PISD: variants seen among roughly 807,000 people sequenced by gnomAD.
The protein encoded by PISD is phosphatidylserine decarboxylase proenzyme, mitochondrial.
A neutral mutation model predicts 43.5 loss-of-function variants in PISD; 31 were observed. The observed-to-expected ratio is 0.71, with a 90% CI of 0.54 to 0.96. PISD has a LOEUF of 0.96. Ranked by LOEUF, PISD falls within the 40% of genes least tolerant of loss-of-function variation. The pLI, the probability that PISD is intolerant of heterozygous loss-of-function variation, is 0.00. For missense variants in PISD, 523 were observed against 548.4 expected, an observed-to-expected ratio of 0.95 and a Z score of 0.46; for synonymous variants, 259 against 228.7, an observed-to-expected ratio of 1.13 and a Z score of -1.20.
chr22:31,625,750 G>C, intron 3 of PISD: 1 of 1,578,334 alleles, frequency 6.3e-7, no homozygotes, highest in African/African-American at 1.3e-5. Flanking sequence ...GGGCGCGGTG[G>C]GCAGCATCTC....
At chr22:31,655,916 C>G (rs1430161940) in intron 1 of PISD, among the ~76,000 whole-genome samples, 3 of 152,092 alleles carry the variant, frequency 2.0e-5, no homozygotes, top group Non-Finnish European at 4.4e-5. Flanking sequence ...GGATTACAGG[C>G]ATGAGCCACT....
Position 31,638,596 on chromosome 22 carries a change from G to A in PISD, c.321+9505C>T, listed in dbSNP as rs917328666. ...AGGCCACTCCTCCCCTCAGAGATCT[G>A]CCCCCATCCTTCCCTAGCCTCTGCC... On this transcript the variant is annotated intron_variant, in intron 3 of 7. Coordinates refer to ENST00000439502, the MANE Select transcript of PISD (RefSeq NM_001326411.2). The A allele has an allele frequency of 3.3e-5, 33 of 985,086 alleles. No individual in the cohort carries two copies. The African/African-American group carries it at 5.4e-4, about 16-fold the overall frequency. 61.0% of individuals were successfully genotyped at this position (985,086 alleles called of 1,614,324 possible). A position where few individuals can be genotyped will look rare whatever the true frequency, so the allele number is the denominator to read the frequency against.
intron 1 of PISD, among the ~76,000 whole-genome samples, chr22:31,660,499 C>A (rs1007360024): frequency 9.2e-5 from 14 of 151,694 alleles, no homozygotes; most frequent in Non-Finnish European, 1.9e-4. Flanking sequence ...CCCCCACCCC[C>A]AAAAAAAATG....
At chr22:31,645,781 G>A (rs1188281025) in intron 3 of PISD, among the ~76,000 whole-genome samples, 8 of 148,534 alleles carry the variant, frequency 5.4e-5, no homozygotes, top group South Asian at 2.1e-4. Flanking sequence ...CGCTTGAACC[G>A]GGGAGGCGGA....
At position 31,621,424 on chromosome 22, in the gene PISD, A is replaced by C. The variant is rs976737541; in HGVS notation, c.607T>G (p.Cys203Gly). The stretch of plus-strand genomic sequence containing the variant: ...ACCCCCTTTACCTGCTCCACCTCAC[A>C]GTTCTTCACCTGCCCAAAGTTGAGG... ...RILNFGQVKNCEVEQVKGVTY... is the reference protein window; with the variant it reads ...RILNFGQVKNGEVEQVKGVTY... The change falls in exon 5 of 8, where the codon TGT becomes GGT. Residue 203 changes from cysteine to glycine, a missense_variant. By Grantham distance (159) the Cys-to-Gly change is radical (BLOSUM62 -3). Transcript: ENST00000439502. The C allele has an allele frequency of 1.2e-5, 19 of 1,614,140 alleles. No homozygotes were observed. The highest frequency in any genetic ancestry group is 1.6e-5 in the Non-Finnish European group (19 of 1,180,012).
chr22:31,626,942 G>A (rs2072940534), intron 3 of PISD, among the ~76,000 whole-genome samples: 1 of 152,232 alleles, frequency 6.6e-6, no homozygotes, highest in Non-Finnish European at 1.5e-5. Flanking sequence ...CCCAAGAGCT[G>A]CCATCTAAAG....
In PISD at chr22:31,630,643, G is replaced by A; in HGVS notation, c.322-8758C>T. 1 of 837,618 alleles carries A rather than the reference G, an allele frequency of 1.2e-6. No individual in the cohort carries two copies. The highest frequency in any genetic ancestry group is 1.8e-5 in the African/African-American group (1 of 54,576). The allele number at this position is 837,618 out of a possible 1,614,324, so 51.9% of individuals were successfully genotyped here. A position where few individuals can be genotyped will look rare whatever the true frequency, so the allele number is the denominator to read the frequency against. ...CCTTGTCCGCGGGGCTCCTCAGGCC[G>A]GGGCCGCGTCGTCACAGCTGGGAGA... On this transcript the variant is annotated intron_variant, in intron 3 of 7. Coordinates refer to ENST00000439502, the MANE Select transcript of PISD (RefSeq NM_001326411.2). The surrounding 1 kb of genome is among the most constrained non-coding windows in gnomAD (Gnocchi z 4.4).
intron 3 of PISD, among the ~76,000 whole-genome samples, chr22:31,637,764 T>C (rs1033543169): frequency 2.0e-5 from 3 of 152,166 alleles, no homozygotes; most frequent in Non-Finnish European, 4.4e-5. Context: ...TTGGATCCAC[T>C]CTTCTGAAGA....
chr22:31,641,683 G>C (rs2073733322), intron 3 of PISD, among the ~76,000 whole-genome samples: 1 of 150,852 alleles, frequency 6.6e-6, no homozygotes, highest in Admixed American at 6.6e-5. Context: ...AGCCAGGTGT[G>C]GTGCCACAAG....
intron 3 of PISD, among the ~76,000 whole-genome samples, chr22:31,647,538 T>C (rs1457411965): frequency 6.6e-6 from 1 of 152,234 alleles, no homozygotes; most frequent in Non-Finnish European, 1.5e-5. Flanking sequence ...CTTACACCTT[T>C]ATATTCAGTT....
At chr22:31,645,430 C>T (rs949898311) in intron 3 of PISD, among the ~76,000 whole-genome samples, 1 of 150,902 alleles carries the variant, frequency 6.6e-6, no homozygotes, top group Admixed American at 6.6e-5. Context: ...ATTGGCCGGG[C>T]GCAGTGGCGC....
In PISD at chr22:31,620,690, C is replaced by T; in HGVS notation, c.868G>A (p.Gly290Ser). The T allele has an allele frequency of 6.2e-7, 1 of 1,614,228 alleles. No individual in the cohort carries two copies. ...FPGSLMSVNP[G>S]MARWIKELFC... is the part of the protein sequence containing the mutation. ...AGCTCTTTGATCCAGCGAGCCATGCCAGGGTTCACTGACATCAGGGAGCCT... is the reference window on the plus strand; with the variant it reads ...AGCTCTTTGATCCAGCGAGCCATGCTAGGGTTCACTGACATCAGGGAGCCT... The change falls in exon 7 of 8, where the codon GGC becomes AGC. Residue 290 changes from glycine to serine, a missense_variant. Transcript: ENST00000439502.
chr22:31,659,871 C>T (rs562469726), intron 1 of PISD, among the ~76,000 whole-genome samples: 2 of 152,212 alleles, frequency 1.3e-5, no homozygotes, highest in East Asian at 3.9e-4. Context: ...CATGCGCCAC[C>T]GTGCCCGGCT....
At chr22:31,637,172 T>A (rs1275341238) in intron 3 of PISD, among the ~76,000 whole-genome samples, 5 of 29,392 alleles carry the variant, frequency 1.7e-4, no homozygotes, top group African/African-American at 2.3e-4. Context: ...AAAATATATA[T>A]ATATATATAT....
intron 1 of PISD, among the ~76,000 whole-genome samples, chr22:31,660,720 C>A (rs1276189355): frequency 6.6e-6 from 1 of 152,068 alleles, no homozygotes; most frequent in African/African-American, 2.4e-5. Context: ...CCTTTCAATT[C>A]GTGACACACT....
intron 3 of PISD, among the ~76,000 whole-genome samples, chr22:31,624,836 A>G (rs548354471): frequency 6.6e-6 from 1 of 151,848 alleles, no homozygotes; most frequent in East Asian, 1.9e-4. Context: ...AATGCAGGGC[A>G]CTCAGCAGGG....
At chr22:31,629,574 G>A (rs73160697) in intron 3 of PISD, 9,809 of 141,224 alleles carry the variant, frequency 0.069, 429 homozygotes, top group Admixed American at 0.15. Flanking sequence ...GGGCGCGTGC[G>A]TGTATGGGTG....
intron 1 of PISD, among the ~76,000 whole-genome samples, chr22:31,653,810 C>T (rs2074098095): frequency 6.6e-6 from 1 of 152,158 alleles, no homozygotes; most frequent in Non-Finnish European, 1.5e-5. Flanking sequence ...TGGTGAAACC[C>T]CATTTCCACT....
chr22:31,629,019 G>A, intron 3 of PISD: 3 of 984,718 alleles, frequency 3.0e-6, no homozygotes, highest in Non-Finnish European at 3.6e-6. Flanking sequence ...GACCGTATAG[G>A]GGGTAGGGGA....
Sources: allele counts gnomAD v4.1 joint callset (sites outside exome capture counted in the v4.1 genomes callset), GRCh38; gene constraint gnomAD v4.1.1; non-coding constraint Gnocchi (gnomAD v3.1); transcripts MANE v1.5; gene names NCBI Gene and HGNC (gene_info 2026-07-23, HGNC 2026-07-21).